The following SLX4IP variants were observed in gnomAD, a reference collection of about 807,000 sequenced individuals.
SLX4IP encodes the protein protein SLX4IP.
SLX4IP carries 34 observed loss-of-function variants against 32.9 expected under a neutral mutation model. The observed-to-expected ratio is 1.03, with a 90% confidence interval of 0.79 to 1.38. The LOEUF (loss-of-function observed/expected upper bound fraction) is 1.38, where lower values mean the gene tolerates loss of function less well. Ranked by LOEUF, SLX4IP falls within the 40% of genes most tolerant of loss-of-function variation. SLX4IP has a pLI of 0.00. For synonymous variants in SLX4IP, 172 were observed against 171.7 expected (o/e 1.00, Z -0.01); for missense variants, 444 against 479.0 (o/e 0.93, Z 0.68).
chr20:10,465,905 G>A (rs909546810), intron 2 of SLX4IP, among the ~76,000 whole-genome samples: 42 of 152,206 alleles, frequency 2.8e-4, no homozygotes, highest in Admixed American at 1.9e-3. Flanking sequence ...GGCCAACACA[G>A]ATCTAAATTG....
At chr20:10,613,917 C>A in intron 6 of SLX4IP, 1 of 1,313,270 alleles carries the variant, frequency 7.6e-7, no homozygotes, top group Non-Finnish European at 1.1e-6. Context: ...GAGTAGCCGC[C>A]AATACGCCTC....
At chr20:10,610,073 A>T (rs2066948800) in intron 6 of SLX4IP, among the ~76,000 whole-genome samples, 1 of 152,186 alleles carries the variant, frequency 6.6e-6, no homozygotes, top group Admixed American at 6.5e-5. Context: ...CAAGTTTGTC[A>T]CACTTGTTTG....
intron 2 of SLX4IP, among the ~76,000 whole-genome samples, chr20:10,542,518 A>G (rs1043646490): frequency 6.6e-6 from 1 of 151,880 alleles, no homozygotes; most frequent in Admixed American, 6.6e-5. Context: ...TATCCTGATC[A>G]CTCTTATTTG....
chr20:10,525,154 T>C (rs1177695941), intron 2 of SLX4IP, among the ~76,000 whole-genome samples: 1 of 152,250 alleles, frequency 6.6e-6, no homozygotes, highest in African/African-American at 2.4e-5. Context: ...ATGTGGTTTC[T>C]TTATAATTAG....
At chr20:10,530,673 A>G (rs1385499749) in intron 2 of SLX4IP, among the ~76,000 whole-genome samples, 1 of 152,256 alleles carries the variant, frequency 6.6e-6, no homozygotes, top group African/African-American at 2.4e-5. Context: ...TGGCATGAGC[A>G]TAGGCTTTAG....
intron 2 of SLX4IP, among the ~76,000 whole-genome samples, chr20:10,487,741 G>A (rs2065587353): frequency 6.6e-6 from 1 of 152,146 alleles, no homozygotes; most frequent in South Asian, 2.1e-4. Context: ...TGGGCAAAAT[G>A]GGAGAGTAGA....
intron 2 of SLX4IP, among the ~76,000 whole-genome samples, chr20:10,482,992 A>G (rs939485902): frequency 2.0e-5 from 3 of 152,182 alleles, no homozygotes; most frequent in Admixed American, 1.3e-4. Flanking sequence ...TTCACTGTTC[A>G]TGTTTATTCA....
intron 2 of SLX4IP, among the ~76,000 whole-genome samples, chr20:10,507,025 G>A (rs1288603608): frequency 1.3e-5 from 2 of 152,154 alleles, no homozygotes; most frequent in Admixed American, 1.3e-4. Context: ...GTGTGTGGTG[G>A]GGCGGTGAGA....
At chr20:10,594,698 C>T (rs1300187689) in intron 4 of SLX4IP, among the ~76,000 whole-genome samples, 2 of 152,216 alleles carry the variant, frequency 1.3e-5, no homozygotes, top group African/African-American at 4.8e-5. Context: ...AACTAATCTA[C>T]TGCCTTGCTA....
chr20:10,453,574 A>G (rs919317146), intron 1 of SLX4IP, among the ~76,000 whole-genome samples: 15 of 152,242 alleles, frequency 9.9e-5, no homozygotes, highest in Non-Finnish European at 1.5e-4. Flanking sequence ...AAGAGCTTGC[A>G]TAAGAATTTT....
At chr20:10,504,354 G>A (rs181942219) in intron 2 of SLX4IP, among the ~76,000 whole-genome samples, 7 of 152,326 alleles carry the variant, frequency 4.6e-5, no homozygotes, top group Admixed American at 3.9e-4. Flanking sequence ...CCCTCCTGCA[G>A]ATGTAGCTCT....
intron 2 of SLX4IP, among the ~76,000 whole-genome samples, chr20:10,555,032 A>G (rs2066253308): frequency 1.3e-5 from 2 of 152,120 alleles, no homozygotes; most frequent in African/African-American, 4.8e-5. Flanking sequence ...TCCAAAGATC[A>G]GGAAGATAGT....
intron 4 of SLX4IP, among the ~76,000 whole-genome samples, chr20:10,597,550 C>A (rs932500875): frequency 3.9e-5 from 6 of 152,202 alleles, no homozygotes; most frequent in Admixed American, 3.9e-4. Flanking sequence ...AGGCTTCTTT[C>A]ATGTAACATT....
At chr20:10,492,165 C>G (rs2065628640) in intron 2 of SLX4IP, among the ~76,000 whole-genome samples, 1 of 152,158 alleles carries the variant, frequency 6.6e-6, no homozygotes, top group Non-Finnish European at 1.5e-5. Flanking sequence ...CTATTCCCAA[C>G]AGTTTGTGAT....
intron 2 of SLX4IP, among the ~76,000 whole-genome samples, chr20:10,487,247 C>T (rs1411402031): frequency 4.6e-5 from 7 of 152,178 alleles, no homozygotes; most frequent in Admixed American, 1.3e-4. Flanking sequence ...TAAAACATAA[C>T]TCCCAGTTTT....
chr20:10,545,421 C>A (rs902857780), intron 2 of SLX4IP, among the ~76,000 whole-genome samples: 1 of 152,092 alleles, frequency 6.6e-6, no homozygotes, highest in African/African-American at 2.4e-5. Context: ...AAAGTTGACA[C>A]CCGCTTTAAA....
chr20:10,517,210 A>C (rs144908113), intron 2 of SLX4IP, among the ~76,000 whole-genome samples: 5 of 152,332 alleles, frequency 3.3e-5, no homozygotes, highest in African/African-American at 1.2e-4. Flanking sequence ...ACTGTCATCA[A>C]ACCCTCACAG....
In SLX4IP at chr20:10,626,877, G is replaced by C. The variant is rs1444639604; in HGVS notation, c.*3498G>C. 1 of 152,206 alleles carries C rather than the reference G, an allele frequency of 6.6e-6. No homozygotes were observed. The highest frequency in any genetic ancestry group is 2.4e-5 in the African/African-American group (1 of 41,444). 9.4% of individuals were successfully genotyped at this position (152,206 alleles called of 1,614,324 possible). ...ATGAAGAATATAGCTTCTCTCTGAA[G>C]TATCTCAAGATATATCTTGGGGACC... On this transcript the variant is annotated 3_prime_UTR_variant, in exon 8 of 8. Transcript: ENST00000334534.
rs977939824 is a variant in SLX4IP at position 10,493,314 on chromosome 20, T to A, written c.27+35083T>A. 2.0e-5 allele frequency among the ~76,000 whole-genome samples: 3 copies of A among 152,204 alleles called. No individual in the cohort carries two copies. In the East Asian group the frequency reaches 5.8e-4, roughly 29 times the overall value. On this transcript the variant is annotated intron_variant, in intron 2 of 7. Transcript: ENST00000334534. Reference sequence around the variant, plus strand: ...CATAGAGGCCTTAAATAAGATTTTTTATTAGGTCTGTTTCCAGGCATTTTT... The same window carrying A: ...CATAGAGGCCTTAAATAAGATTTTTAATTAGGTCTGTTTCCAGGCATTTTT...
Sources: allele counts gnomAD v4.1 joint callset (sites outside exome capture counted in the v4.1 genomes callset), GRCh38; gene constraint gnomAD v4.1.1; transcripts MANE v1.5; gene names NCBI Gene and HGNC (gene_info 2026-07-23, HGNC 2026-07-21).